FUT8: variants seen among roughly 807,000 people sequenced by gnomAD.
The protein encoded by FUT8 is fucosyltransferase 8.
In FUT8, 29 loss-of-function variants were observed where a neutral mutation model predicts 71.3. That is an observed-to-expected ratio of 0.41 (90% CI 0.30 to 0.55). The LOEUF (loss-of-function observed/expected upper bound fraction) is 0.55. FUT8 is among the 20% of genes least tolerant of loss of function. The probability of loss-of-function intolerance (pLI) is 0.34; values close to 1 mark genes in which losing one functional copy is unlikely to be tolerated. For synonymous variants in FUT8, 254 were observed against 239.3 expected, an observed-to-expected ratio of 1.06 and a Z score of -0.57; for missense variants, 544 against 702.1, an observed-to-expected ratio of 0.77 and a Z score of 2.55.
intron 3 of FUT8, 54 bp from the exon 4 acceptor site, chr14:65,615,924 T>C (rs1208968530): frequency 7.9e-7 from 1 of 1,261,264 alleles, no homozygotes; most frequent in Non-Finnish European, 1.1e-6. Context: ...TGAGCTTGTA[T>C]TTTGTTGCAC....
chr14:65,665,119 T>G (rs1892147990), intron 6 of FUT8, among the ~76,000 whole-genome samples: 1 of 152,198 alleles, frequency 6.6e-6, no homozygotes, highest in African/African-American at 2.4e-5. Context: ...TCAAGTATGA[T>G]TTTTTAAATG....
intron 7 of FUT8, among the ~76,000 whole-genome samples, chr14:65,720,127 A>T (rs1167676586): frequency 6.6e-6 from 1 of 151,732 alleles, no homozygotes; most frequent in Non-Finnish European, 1.5e-5. Flanking sequence ...AAACCTTAGA[A>T]CCCTATCTGG....
chr14:65,579,774 A>C (rs1886976309), intron 3 of FUT8, among the ~76,000 whole-genome samples: 1 of 152,148 alleles, frequency 6.6e-6, no homozygotes, highest in Non-Finnish European at 1.5e-5. Context: ...TGTCCACACA[A>C]GGTAACATCT....
At chr14:65,433,815 T>TCTCTCTCG (rs1391465116) in intron 1 of FUT8, among the ~76,000 whole-genome samples, 2 of 149,206 alleles carry the variant, frequency 1.3e-5, no homozygotes, top group African/African-American at 4.9e-5. Flanking sequence ...TCTCTCTCTC[T>TCTCTCTCG]CTCGCTGTGT....
At chr14:65,388,880 T>G in the FUT8 span, among the ~76,000 whole-genome samples, 1 of 152,120 alleles carries the variant, frequency 6.6e-6, no homozygotes, top group East Asian at 1.9e-4. Flanking sequence ...TGCGTTAATA[T>G]GGAATAGTTT....
At chr14:65,741,559 A>C (rs749288223) in intron 10 of FUT8, among the ~76,000 whole-genome samples, 5 of 152,060 alleles carry the variant, frequency 3.3e-5, no homozygotes, top group Non-Finnish European at 7.4e-5. Context: ...TAAAACTTAA[A>C]GTATAATTTA....
chr14:65,664,675 C>T (rs1892123551), intron 6 of FUT8, among the ~76,000 whole-genome samples: 1 of 152,076 alleles, frequency 6.6e-6, no homozygotes, highest in African/African-American at 2.4e-5. Context: ...TTATAGACTG[C>T]AGCTTTTGTT....
intron 9 of FUT8, among the ~76,000 whole-genome samples, chr14:65,732,275 C>G (rs1896016553): frequency 6.6e-6 from 1 of 152,150 alleles, no homozygotes; most frequent in Non-Finnish European, 1.5e-5. Flanking sequence ...TGAAGAGAAA[C>G]TGAAACAGCT....
At chr14:65,522,141 T>C (rs1883123527) in intron 2 of FUT8, among the ~76,000 whole-genome samples, 1 of 152,198 alleles carries the variant, frequency 6.6e-6, no homozygotes, top group African/African-American at 2.4e-5. Context: ...ACCTCCTTGC[T>C]GTGGAAGAAC....
intron 7 of FUT8, among the ~76,000 whole-genome samples, chr14:65,684,617 G>C (rs182679711): frequency 1.3e-3 from 198 of 152,246 alleles, no homozygotes; most frequent in Non-Finnish European, 1.5e-3. Context: ...ACCTCATCTT[G>C]AATTATAACC....
intron 3 of FUT8, among the ~76,000 whole-genome samples, chr14:65,592,668 C>T (rs1887755118): frequency 6.6e-6 from 1 of 152,130 alleles, no homozygotes; most frequent in South Asian, 2.1e-4. Context: ...CTAGAACATC[C>T]TTAGAAGTTT....
chr14:65,485,113 A>G (rs931562597), intron 2 of FUT8, among the ~76,000 whole-genome samples: 9 of 151,830 alleles, frequency 5.9e-5, no homozygotes, highest in African/African-American at 2.2e-4. Context: ...GAGGTGGGAG[A>G]ATTGCTTGAG....
intron 9 of FUT8, among the ~76,000 whole-genome samples, chr14:65,730,890 A>C (rs1036399974): frequency 1.3e-5 from 2 of 152,236 alleles, no homozygotes. Context: ...TAGGAAGAAA[A>C]ACAAGTCTTT....
At chr14:65,548,024 T>C (rs1885070952) in intron 2 of FUT8, among the ~76,000 whole-genome samples, 1 of 152,002 alleles carries the variant, frequency 6.6e-6, no homozygotes, top group African/African-American at 2.4e-5. Context: ...TGTTTGTTTT[T>C]ATGACTTTAA....
At chr14:65,424,303 GTTAAA>G (rs1566738419) in intron 1 of FUT8, among the ~76,000 whole-genome samples, 3 of 152,148 alleles carry the variant, frequency 2.0e-5, no homozygotes, top group Non-Finnish European at 1.5e-5. Context: ...GTGTAGTACA[GTTAAA>G]TTTATGTAGT....
intron 10 of FUT8, among the ~76,000 whole-genome samples, chr14:65,735,902 A>G (rs551645242): frequency 3.3e-5 from 5 of 152,196 alleles, no homozygotes. Flanking sequence ...ATTCCTTTAC[A>G]TAAACCAAAA....
chr14:65,635,545 C>A lies in FUT8; in HGVS notation c.597+5939C>A, dbSNP rs555325944. Among the ~76,000 whole-genome samples the A allele has an allele frequency of 2.5e-3, 384 of 152,196 alleles. 2 individuals are homozygous for A. Among genetic ancestry groups the A allele is most frequent in the African/African-American group, 8.8e-3 (367 of 41,522 alleles). ...TTTGCTGAGAATTTTAGTCATAAAG[C>A]GATGCTGGATTTTGTTGAGTGCTTT... On this transcript the variant is annotated intron_variant, in intron 6 of 10. Transcript: ENST00000673929.
intron 2 of FUT8, among the ~76,000 whole-genome samples, chr14:65,561,125 A>C (rs1885893830): frequency 6.6e-6 from 1 of 152,194 alleles, no homozygotes; most frequent in African/African-American, 2.4e-5. Context: ...AGAGCTAATT[A>C]GTCTGTTATC....
chr14:65,445,637 A>G (rs1043879517), intron 1 of FUT8, among the ~76,000 whole-genome samples: 4 of 152,260 alleles, frequency 2.6e-5, no homozygotes, highest in African/African-American at 7.2e-5. Flanking sequence ...TGGAAGACAT[A>G]CAAAGAAACT....
Sources: allele counts gnomAD v4.1 joint callset (sites outside exome capture counted in the v4.1 genomes callset), GRCh38; gene constraint gnomAD v4.1.1; transcripts MANE v1.5; gene names NCBI Gene and HGNC (gene_info 2026-07-23, HGNC 2026-07-21).